The following FLT3 variants were observed in gnomAD, a reference collection of about 807,000 sequenced individuals.
FLT3 encodes fms related receptor tyrosine kinase 3.
A neutral mutation model predicts 126.6 loss-of-function variants in FLT3; 46 were observed. The ratio of observed to expected loss-of-function variants is 0.36; its 90% CI spans 0.29 to 0.46. FLT3 has a LOEUF of 0.46. Among genes scored for constraint, FLT3 ranks in the 20% least tolerant of loss-of-function variants. FLT3 has a pLI of 1.00. For synonymous variants in FLT3, 404 were observed against 434.4 expected, an observed-to-expected ratio of 0.93 and a Z score of 0.87; for missense variants, 1,069 against 1,190.3, an observed-to-expected ratio of 0.90 and a Z score of 1.50.
At chr13:28,016,516 G>A (rs543179090) in intron 20 of FLT3, among the ~76,000 whole-genome samples, 9 of 152,022 alleles carry the variant, frequency 5.9e-5, no homozygotes, top group South Asian at 2.1e-4. Context: ...TGATCCACCC[G>A]CCTCAGCCTC....
At chr13:28,098,086 G>A (rs949280453) in intron 1 of FLT3, among the ~76,000 whole-genome samples, 3 of 152,106 alleles carry the variant, frequency 2.0e-5, no homozygotes, top group Non-Finnish European at 4.4e-5. Context: ...AGGCTGAGGT[G>A]GGTGGATCGC....
intron 23 of FLT3, among the ~76,000 whole-genome samples, chr13:28,005,052 G>T (rs192310151): frequency 6.6e-6 from 1 of 152,332 alleles, no homozygotes; most frequent in African/African-American, 2.4e-5. Flanking sequence ...GTAGAAGGCC[G>T]GGCGCAGTGG....
chr13:28,015,316 C>A, intron 21 of FLT3, 60 bp from the exon 22 acceptor site: 3 of 1,119,396 alleles, frequency 2.7e-6, no homozygotes, highest in South Asian at 2.6e-5. Context: ...TTTATTGATT[C>A]ATTCAATTAA....
In FLT3 at chr13:28,048,562, G is replaced by A. The variant is rs199863205; in HGVS notation, c.1037-119C>T. ...CACAGGAAAACTCAAGTGTTGGCATGCTGCAGGTCAGGTTGGATAATCCAA... is the reference window on the plus strand; with the variant it reads ...CACAGGAAAACTCAAGTGTTGGCATACTGCAGGTCAGGTTGGATAATCCAA... On this transcript the variant is annotated intron_variant, in intron 8 of 23. Coordinates refer to ENST00000241453, the MANE Select transcript of FLT3 (RefSeq NM_004119.3). 10 of 701,532 alleles carry A rather than the reference G, an allele frequency of 1.4e-5. No individual in the cohort carries two copies. The East Asian group carries it at 2.7e-4, about 19-fold the overall frequency. The allele number at this position is 701,532 out of a possible 1,614,324, so 43.5% of individuals were successfully genotyped here. A position where few individuals can be genotyped will look rare whatever the true frequency, so the allele number is the denominator to read the frequency against.
chr13:28,067,292 G>C (rs768836869), intron 2 of FLT3, among the ~76,000 whole-genome samples: 1 of 152,166 alleles, frequency 6.6e-6, no homozygotes, highest in Non-Finnish European at 1.5e-5. Context: ...CAAAATGCTG[G>C]GATTACAGGC....
chr13:28,086,173 C>G (rs987815042), intron 1 of FLT3, among the ~76,000 whole-genome samples: 1 of 151,934 alleles, frequency 6.6e-6, no homozygotes, highest in South Asian at 2.1e-4. Flanking sequence ...TCTCTTTTTT[C>G]TGCCTCCTTT....
intron 6 of FLT3, 54 bp downstream of exon 6, chr13:28,050,041 T>C (rs559906318): frequency 1.9e-6 from 3 of 1,591,030 alleles, no homozygotes; most frequent in East Asian, 2.2e-5. Flanking sequence ...TAGTCCCTGA[T>C]AGTTGCTAAG....
intron 4 of FLT3, among the ~76,000 whole-genome samples, chr13:28,054,304 A>C (rs1875810148): frequency 6.6e-6 from 1 of 152,000 alleles, no homozygotes; most frequent in African/African-American, 2.4e-5. Flanking sequence ...TCTTAATTTA[A>C]TTTCTCCATT....
chr13:28,032,124 G>A (rs1873399254), intron 15 of FLT3, among the ~76,000 whole-genome samples: 1 of 152,196 alleles, frequency 6.6e-6, no homozygotes, highest in African/African-American at 2.4e-5. Flanking sequence ...TATATAGAAT[G>A]TGGTTATTTA....
intron 5 of FLT3, among the ~76,000 whole-genome samples, chr13:28,051,921 A>G (rs867279016): frequency 6.6e-6 from 1 of 151,604 alleles, no homozygotes; most frequent in Non-Finnish European, 1.5e-5. Context: ...ATGCCCAGGG[A>G]GCCAACAATC....
intron 3 of FLT3, among the ~76,000 whole-genome samples, chr13:28,057,911 C>T (rs980099294): frequency 4.6e-5 from 7 of 151,680 alleles, no homozygotes; most frequent in Admixed American, 3.3e-4. Flanking sequence ...ATGGCGCAGG[C>T]GCCTGTAATC....
rs1566048807 is a variant in FLT3 at position 28,003,357 on chromosome 13, G to C, written c.*695C>G. 1 of 233,310 alleles carries C rather than the reference G, an allele frequency of 4.3e-6. No homozygotes were observed. Among genetic ancestry groups the C allele is most frequent in the East Asian group, 6.0e-5 (1 of 16,592 alleles). 14.5% of individuals were successfully genotyped at this position (233,310 alleles called of 1,614,324 possible). A position where few individuals can be genotyped will look rare whatever the true frequency, so the allele number is the denominator to read the frequency against. ...CCCTGAGTCTGGGAAGGCCGCCAAAGTGTCTAGGTGATGTATTACTCTTTA... is the reference window on the plus strand; with the variant it reads ...CCCTGAGTCTGGGAAGGCCGCCAAACTGTCTAGGTGATGTATTACTCTTTA... On this transcript the variant is annotated 3_prime_UTR_variant, in exon 24 of 24. Coordinates refer to ENST00000241453, the MANE Select transcript of FLT3 (RefSeq NM_004119.3).
chr13:28,034,149 G>T lies in FLT3; in HGVS notation c.1770C>A (p.Phe590Leu), dbSNP rs141380985. The T allele has an allele frequency of 5.6e-6, 9 of 1,613,852 alleles. No individual in the cohort carries two copies. ...ATTCATATTCTCTGAAATCAACGTA[G>T]AAGTACTCATTATCTGAGGAGCCGG... is the stretch of plus-strand genomic sequence containing the variant. ...QVTGSSDNEY[F>L]YVDFREYEYD... Residue 590 changes from phenylalanine (F) to leucine (L), a missense_variant, in exon 14 of 24, where the codon TTC becomes TTA. By Grantham distance (22) the Phe-to-Leu change is conservative. Transcript: ENST00000241453.
At chr13:28,080,770 T>C (rs1593297080) in intron 1 of FLT3, among the ~76,000 whole-genome samples, 1 of 152,338 alleles carries the variant, frequency 6.6e-6, no homozygotes, top group East Asian at 1.9e-4. Flanking sequence ...CATATTTACA[T>C]TTAATTTTAT....
intron 15 of FLT3, among the ~76,000 whole-genome samples, chr13:28,030,003 T>A (rs1873177780): frequency 6.6e-6 from 1 of 152,214 alleles, no homozygotes; most frequent in African/African-American, 2.4e-5. Flanking sequence ...TGGACTTCCC[T>A]CTCCAGGCTC....
At chr13:28,092,948 G>T (rs1272303766) in intron 1 of FLT3, among the ~76,000 whole-genome samples, 1 of 135,640 alleles carries the variant, frequency 7.4e-6, no homozygotes, top group South Asian at 2.4e-4. Context: ...TTGAGACAGG[G>T]TCTCGCTCTG....
chr13:28,076,796 A>G (rs1440599669), intron 1 of FLT3, among the ~76,000 whole-genome samples: 2 of 152,090 alleles, frequency 1.3e-5, no homozygotes, highest in African/African-American at 4.8e-5. Context: ...GTGTGGTAGC[A>G]TGTATCTGTA....
At chr13:28,007,253 T>A (rs1870987103) in intron 23 of FLT3, among the ~76,000 whole-genome samples, 1 of 152,106 alleles carries the variant, frequency 6.6e-6, no homozygotes, top group African/African-American at 2.4e-5. Context: ...TATTTGTGCT[T>A]TTTTCTTTTT....
At chr13:28,050,010 G>T in intron 6 of FLT3, 85 bp downstream of exon 6, 1 of 1,415,946 alleles carries the variant, frequency 7.1e-7, no homozygotes. Context: ...GAAGTTGAAT[G>T]ATCACCTACG....
Sources: allele counts gnomAD v4.1 joint callset (sites outside exome capture counted in the v4.1 genomes callset), GRCh38; gene constraint gnomAD v4.1.1; transcripts MANE v1.5; gene names NCBI Gene and HGNC (gene_info 2026-07-23, HGNC 2026-07-21).